The following DPYSL2 variants were observed in gnomAD, a reference collection of about 807,000 sequenced individuals.
DPYSL2 encodes the protein dihydropyrimidinase like 2.
DPYSL2 carries 13 observed loss-of-function variants against 69.9 expected under a neutral mutation model. That is an observed-to-expected ratio of 0.19 (90% CI 0.12 to 0.30). The LOEUF is 0.30. Among genes scored for constraint, DPYSL2 ranks in the 10% least tolerant of loss-of-function variants. The pLI is 1.00. For missense variants in DPYSL2, 587 were observed against 918.9 expected (o/e 0.64, Z 4.67); for synonymous variants, 326 against 359.1 (o/e 0.91, Z 1.04).
Position 26,588,562 on chromosome 8 carries a change from C to G in DPYSL2, c.628+4579C>G, listed in dbSNP as rs1043299529. The stretch of plus-strand genomic sequence containing the variant: ...AGAGGAGGTGCACCCTCAGGCACAA[C>G]ATACCCAGCAGGCTTCCTGGTCCCT... On this transcript the variant is annotated intron_variant, in intron 3 of 13. Coordinates refer to ENST00000521913, the MANE Select transcript of DPYSL2 (RefSeq NM_001197293.3). The surrounding 1 kb of genome is among the most constrained non-coding windows in gnomAD (Gnocchi z 5.4). Among the ~76,000 whole-genome samples, 2 of 152,188 alleles carry G rather than the reference C, an allele frequency of 1.3e-5. No homozygotes were observed. The highest frequency in any genetic ancestry group is 4.8e-5 in the African/African-American group (2 of 41,444).
rs201603613 is a variant in DPYSL2 at position 26,652,343 on chromosome 8, C to T, written c.1683C>T (p.Asp561=). 2.2e-5 allele frequency: 36 copies of T among 1,614,048 alleles called. No homozygotes were observed. The highest frequency in any genetic ancestry group is 1.6e-4 in the Middle Eastern group (1 of 6,084). The part of the protein sequence containing the change: ...VISQGKIVLE[D]GTLHVTEGSG... ...GCCAGGGGAAGATTGTCCTGGAGGACGGCACCCTGCATGTCACCGAAGGCT... is the reference window on the plus strand; with the variant it reads ...GCCAGGGGAAGATTGTCCTGGAGGATGGCACCCTGCATGTCACCGAAGGCT... The change falls in exon 12 of 14, where the codon GAC becomes GAT. Residue 561 remains aspartate, a synonymous_variant. Coordinates refer to ENST00000521913, the MANE Select transcript of DPYSL2 (RefSeq NM_001197293.3). This position sits in a 1 kb window ranked among gnomAD's most constrained non-coding sequence, Gnocchi z 6.3.
rs561617375 is a variant in DPYSL2 at position 26,587,654 on chromosome 8, G to C, written c.628+3671G>C. 6.6e-6 allele frequency among the ~76,000 whole-genome samples: 1 copy of C among 152,216 alleles called. No homozygotes were observed. The highest frequency in any genetic ancestry group is 2.1e-4 in the South Asian group (1 of 4,834). On this transcript the variant is annotated intron_variant, in intron 3 of 13. Coordinates refer to ENST00000521913, the MANE Select transcript of DPYSL2 (RefSeq NM_001197293.3). This position sits in a 1 kb window ranked among gnomAD's most constrained non-coding sequence, Gnocchi z 4.2. ...TCACACAATGAGATCTTTATGAGGC[G>C]GACTCAGTGTGGAGCAGGGGGAACG...
intron 1 of DPYSL2, among the ~76,000 whole-genome samples, chr8:26,569,452 C>A (rs1801205090): frequency 6.6e-6 from 1 of 151,600 alleles, no homozygotes; most frequent in Admixed American, 6.6e-5. Flanking sequence ...ATCTGGGAGG[C>A]AACAGGTGGA....
rs75236049 is a variant in DPYSL2, at chr8:26,598,553, G to A, written c.628+14570G>A. 0.015 allele frequency among the ~76,000 whole-genome samples: 2,337 copies of A among 152,334 alleles called. 29 individuals are homozygous for A. Among genetic ancestry groups the A allele is most frequent in the Middle Eastern group, 0.068 (20 of 294 alleles). On this transcript the variant is annotated intron_variant, in intron 3 of 13. Coordinates refer to ENST00000521913, the MANE Select transcript of DPYSL2 (RefSeq NM_001197293.3). This position sits in a 1 kb window ranked among gnomAD's most constrained non-coding sequence, Gnocchi z 4.2. ...CAGCAGAAAGCACCAGGAGACACCC[G>A]ATGTGCCCCCACCTTGGTGAGCACC...
rs374871574 is a variant in DPYSL2 at position 26,643,624 on chromosome 8, A to G, written c.1283+29A>G. 2.4e-5 allele frequency: 38 copies of G among 1,613,964 alleles called. No individual in the cohort carries two copies. The African/African-American group carries it at 4.4e-4, about 19-fold the overall frequency. On this transcript the variant is annotated intron_variant, in intron 9 of 13. Coordinates refer to ENST00000521913, the MANE Select transcript of DPYSL2 (RefSeq NM_001197293.3). The surrounding 1 kb of genome is among the most constrained non-coding windows in gnomAD (Gnocchi z 6.5). ...AGTCCTGGCGACTTGTTCACACTTC[A>G]CATTCTGTCTTTCTTCAGACCAGAC...
intron 3 of DPYSL2, among the ~76,000 whole-genome samples, chr8:26,594,775 C>T (rs1274158559): frequency 6.6e-6 from 1 of 152,318 alleles, no homozygotes; most frequent in Non-Finnish European, 1.5e-5. Flanking sequence ...GGTTATCTCA[C>T]TTCACTGTCA....
rs1803348848 is a variant in DPYSL2 at position 26,654,921 on chromosome 8, AG to A, written c.1943-693del. Among the ~76,000 whole-genome samples, 1 of 152,168 alleles carries A rather than the reference AG, an allele frequency of 6.6e-6. No homozygotes were observed. The highest frequency in any genetic ancestry group is 1.5e-5 in the Non-Finnish European group (1 of 68,028). The stretch of plus-strand genomic sequence containing the variant: ...CAGTGGTGCAATCACAGCTCACTGC[AG>A]CCTCGACCTCCTGGGCTCAAGTGAT... On this transcript the variant is annotated intron_variant, in intron 13 of 13. Coordinates refer to ENST00000521913, the MANE Select transcript of DPYSL2 (RefSeq NM_001197293.3). This position sits in a 1 kb window ranked among gnomAD's most constrained non-coding sequence, Gnocchi z 5.0.
At chr8:26,566,937 A>G (rs1357049236) in intron 1 of DPYSL2, among the ~76,000 whole-genome samples, 1 of 151,512 alleles carries the variant, frequency 6.6e-6, no homozygotes, top group African/African-American at 2.4e-5. Context: ...CATCTATTCC[A>G]TCCACTCTTC....
intron 1 of DPYSL2, among the ~76,000 whole-genome samples, chr8:26,568,767 G>T (rs557803755): frequency 6.6e-6 from 1 of 152,060 alleles, no homozygotes; most frequent in Non-Finnish European, 1.5e-5. Flanking sequence ...TTCCTTGGCC[G>T]TTTTCAGAAT....
At chr8:26,572,523 G>A (rs573587834) in intron 1 of DPYSL2, among the ~76,000 whole-genome samples, 34 of 152,190 alleles carry the variant, frequency 2.2e-4, no homozygotes, top group Admixed American at 6.5e-4. Context: ...TTTTTGAGAA[G>A]GAATCTCGCC....
chr8:26,558,875 T>C (rs1801030643), intron 1 of DPYSL2, among the ~76,000 whole-genome samples: 1 of 152,332 alleles, frequency 6.6e-6, no homozygotes, highest in African/African-American at 2.4e-5. Context: ...AAATTAATAG[T>C]TATATGGTTA....
chr8:26,554,408 G>A (rs1800913277), intron 1 of DPYSL2, among the ~76,000 whole-genome samples: 1 of 149,864 alleles, frequency 6.7e-6, no homozygotes, highest in Admixed American at 6.7e-5. Context: ...TATAGATGCT[G>A]TGTATTAGAC....
rs1801722033 is a variant in DPYSL2 at position 26,591,313 on chromosome 8, A to C, written c.628+7330A>C. Among the ~76,000 whole-genome samples the C allele has an allele frequency of 6.6e-6, 1 of 152,172 alleles. No individual in the cohort carries two copies. Among genetic ancestry groups the C allele is most frequent in the Non-Finnish European group, 1.5e-5 (1 of 68,026 alleles). ...GCCCATGGGAATGCTAGGCTCCAGC[A>C]AGTTCTGCCTGACCTTTGGATGTGA... On this transcript the variant is annotated intron_variant, in intron 3 of 13. Coordinates refer to ENST00000521913, the MANE Select transcript of DPYSL2 (RefSeq NM_001197293.3). The surrounding 1 kb of genome is among the most constrained non-coding windows in gnomAD (Gnocchi z 5.8).
At chr8:26,529,116 A>G (rs1800446759) in intron 1 of DPYSL2, among the ~76,000 whole-genome samples, 1 of 152,194 alleles carries the variant, frequency 6.6e-6, no homozygotes, top group Non-Finnish European at 1.5e-5. Flanking sequence ...GCAAGGCCCC[A>G]GATGGCAAAG....
At chr8:26,636,555 C>T (rs953556485) in intron 8 of DPYSL2, among the ~76,000 whole-genome samples, 4 of 152,178 alleles carry the variant, frequency 2.6e-5, no homozygotes, top group African/African-American at 9.7e-5. Flanking sequence ...AGGGGTCCTA[C>T]ATGTCCCAGA....
rs1802298504 is a variant in DPYSL2 at position 26,614,243 on chromosome 8, G to A, written c.629-9900G>A. ...TTTGCAAGATTGCTGTCTGGGAGCT[G>A]GACAGACAGGAAGGGAACAGAACTG... On this transcript the variant is annotated intron_variant, in intron 3 of 13. Coordinates refer to ENST00000521913, the MANE Select transcript of DPYSL2 (RefSeq NM_001197293.3). This position sits in a 1 kb window ranked among gnomAD's most constrained non-coding sequence, Gnocchi z 4.9. Among the ~76,000 whole-genome samples the A allele has an allele frequency of 6.6e-6, 1 of 152,236 alleles. No individual in the cohort carries two copies. The highest frequency in any genetic ancestry group is 6.5e-5 in the Admixed American group (1 of 15,294).
Position 26,648,234 on chromosome 8 carries a change from A to G in DPYSL2, c.1596+434A>G, listed in dbSNP as rs948893585. ...TCTTAAGCCATTGTTTTCTCAGGCC[A>G]GTATCCATGCAGAAAACTGGATGAC... is the stretch of plus-strand genomic sequence containing the variant. On this transcript the variant is annotated intron_variant, in intron 11 of 13. Coordinates refer to ENST00000521913, the MANE Select transcript of DPYSL2 (RefSeq NM_001197293.3). This position sits in a 1 kb window ranked among gnomAD's most constrained non-coding sequence, Gnocchi z 4.3. 1.3e-5 allele frequency among the ~76,000 whole-genome samples: 2 copies of G among 152,202 alleles called. No homozygotes were observed. The highest frequency in any genetic ancestry group is 4.8e-5 in the African/African-American group (2 of 41,454).
At position 26,624,344 on chromosome 8, in the gene DPYSL2, T is replaced by G. The variant is rs1327725814; in HGVS notation, c.793+37T>G. The G allele has an allele frequency of 6.2e-7, 1 of 1,601,792 alleles. No homozygotes were observed. Among genetic ancestry groups the G allele is most frequent in the Non-Finnish European group, 8.5e-7 (1 of 1,171,804 alleles). ...TGAGTCAATGCCCTCTGCAGATGTT[T>G]CCGCTTCAGTCCATCAACTGGCACA... On this transcript the variant is annotated intron_variant, in intron 4 of 13. Coordinates refer to ENST00000521913, the MANE Select transcript of DPYSL2 (RefSeq NM_001197293.3). This position sits in a 1 kb window ranked among gnomAD's most constrained non-coding sequence, Gnocchi z 4.7.
chr8:26,566,022 G>A (rs1801143880), intron 1 of DPYSL2, among the ~76,000 whole-genome samples: 2 of 152,212 alleles, frequency 1.3e-5, no homozygotes, highest in African/African-American at 4.8e-5. Flanking sequence ...AAGAAGAGGA[G>A]AGCCTGGATT....
Sources: allele counts gnomAD v4.1 joint callset (sites outside exome capture counted in the v4.1 genomes callset), GRCh38; gene constraint gnomAD v4.1.1; non-coding constraint Gnocchi (gnomAD v3.1); transcripts MANE v1.5; gene names NCBI Gene and HGNC (gene_info 2026-07-23, HGNC 2026-07-21).